CFTR: variants seen among roughly 807,000 people sequenced by gnomAD.
CFTR encodes CF transmembrane conductance regulator, also known as cystic fibrosis transmembrane conductance regulator.
A neutral mutation model predicts 171.6 loss-of-function variants in CFTR; 181 were observed. The observed-to-expected ratio is 1.05, with a 90% confidence interval of 0.93 to 1.19. The LOEUF is 1.19. CFTR is among the 50% of genes most tolerant of loss of function. CFTR has a pLI of 0.00. For missense variants in CFTR, 1,968 were observed against 1,734.7 expected (o/e 1.13, Z -2.39); for synonymous variants, 583 against 608.0 (o/e 0.96, Z 0.60).
Position 117,595,146 on chromosome 7 carries a change from A to G in CFTR, c.2619+88A>G, listed in dbSNP as rs570435250. 51 of 930,620 alleles carry G rather than the reference A, an allele frequency of 5.5e-5. No individual in the cohort carries two copies. The African/African-American group carries it at 6.4e-4, about 12-fold the overall frequency. The allele number at this position is 930,620 out of a possible 1,614,324, so 57.6% of individuals were successfully genotyped here. ...GTATACATATATATGCACACACATA[A>G]ATATGTATATATACACATGTATACA... On this transcript the variant is annotated intron_variant, in intron 15 of 26. Coordinates refer to ENST00000003084, the MANE Select transcript of CFTR (RefSeq NM_000492.4).
chr7:117,538,876 G>T (rs1228873762), intron 7 of CFTR, among the ~76,000 whole-genome samples: 1 of 152,158 alleles, frequency 6.6e-6, no homozygotes, highest in Non-Finnish European at 1.5e-5. Flanking sequence ...TTGCAATCCG[G>T]GTTGGGCACA....
intron 9 of CFTR, among the ~76,000 whole-genome samples, chr7:117,543,976 C>G (rs1450837565): frequency 6.6e-6 from 1 of 152,178 alleles, no homozygotes; most frequent in Non-Finnish European, 1.5e-5. Context: ...TCTGAAATCT[C>G]TTTCTCAGCT....
chr7:117,572,846 C>T (rs1397696294), intron 11 of CFTR, among the ~76,000 whole-genome samples: 1 of 152,088 alleles, frequency 6.6e-6, no homozygotes, highest in Non-Finnish European at 1.5e-5. Flanking sequence ...TTTCCTTTAC[C>T]CAACCAAGCT....
chr7:117,604,266 T>C (rs1270106017), intron 17 of CFTR, among the ~76,000 whole-genome samples: 1 of 152,232 alleles, frequency 6.6e-6, no homozygotes, highest in Non-Finnish European at 1.5e-5. Context: ...ATTTTAAAAC[T>C]ATTTTTATAT....
intron 7 of CFTR, among the ~76,000 whole-genome samples, chr7:117,538,661 G>C (rs1261139831): frequency 6.6e-6 from 1 of 152,088 alleles, no homozygotes; most frequent in Non-Finnish European, 1.5e-5. Flanking sequence ...ATTTAATCTT[G>C]GTAACAACTC....
intron 23 of CFTR, among the ~76,000 whole-genome samples, chr7:117,645,562 C>A (rs996710024): frequency 6.6e-6 from 1 of 152,192 alleles, no homozygotes; most frequent in Admixed American, 6.5e-5. Flanking sequence ...AGTCATCCTT[C>A]CTTTTTTTCT....
intron 21 of CFTR, among the ~76,000 whole-genome samples, chr7:117,617,563 C>T (rs1202723035): frequency 2.0e-5 from 3 of 151,852 alleles, no homozygotes; most frequent in Non-Finnish European, 4.4e-5. Context: ...CAGCCAGTGA[C>T]TTTATTATAT....
intron 24 of CFTR, among the ~76,000 whole-genome samples, chr7:117,659,171 CCTT>C (rs534858828): frequency 4.9e-4 from 74 of 152,164 alleles, no homozygotes; most frequent in Non-Finnish European, 9.6e-4. Flanking sequence ...TTCACTGCCT[CCTT>C]CTACCATCTT....
At chr7:117,645,239 A>G (rs1198190015) in intron 23 of CFTR, among the ~76,000 whole-genome samples, 2 of 152,216 alleles carry the variant, frequency 1.3e-5, no homozygotes, top group African/African-American at 4.8e-5. Context: ...ATAATTAATT[A>G]TTAAACTCCT....
intron 1 of CFTR, among the ~76,000 whole-genome samples, chr7:117,481,910 C>G (rs1252722878): frequency 6.6e-6 from 1 of 152,212 alleles, no homozygotes; most frequent in Non-Finnish European, 1.5e-5. Context: ...TTGCCTGAGG[C>G]AGGTCCCTTA....
chr7:117,628,281 G>A (rs887659153), intron 22 of CFTR, among the ~76,000 whole-genome samples: 2 of 151,974 alleles, frequency 1.3e-5, no homozygotes, highest in African/African-American at 4.8e-5. Context: ...ATGAGTAATT[G>A]ACATTATTTT....
intron 11 of CFTR, among the ~76,000 whole-genome samples, chr7:117,581,221 G>T (rs896713335): frequency 6.6e-6 from 1 of 152,044 alleles, no homozygotes; most frequent in Non-Finnish European, 1.5e-5. Context: ...AAATCACATG[G>T]CTACATACAT....
intron 11 of CFTR, among the ~76,000 whole-genome samples, chr7:117,583,809 A>G (rs1377167785): frequency 2.0e-5 from 3 of 151,964 alleles, no homozygotes; most frequent in Non-Finnish European, 4.4e-5. Context: ...AAACTGTTCC[A>G]TTTTCAGCAC....
At chr7:117,599,947 A>C (rs1792197153) in intron 15 of CFTR, among the ~76,000 whole-genome samples, 1 of 152,082 alleles carries the variant, frequency 6.6e-6, no homozygotes, top group Non-Finnish European at 1.5e-5. Context: ...TCTACTCATG[A>C]CCAGAGAACC....
At chr7:117,484,611 G>A (rs948723566) in intron 1 of CFTR, among the ~76,000 whole-genome samples, 1 of 151,906 alleles carries the variant, frequency 6.6e-6, no homozygotes, top group Non-Finnish European at 1.5e-5. Flanking sequence ...TGTTAATTTT[G>A]TATTAATTTT....
chr7:117,618,501 C>T (rs1266961875), intron 21 of CFTR, among the ~76,000 whole-genome samples: 1 of 151,960 alleles, frequency 6.6e-6, no homozygotes, highest in African/African-American at 2.4e-5. Context: ...CACACACACA[C>T]ACACAAAGAA....
At chr7:117,592,701 A>T (rs375692108) in intron 14 of CFTR, 44 bp downstream of exon 14, 1 of 1,455,992 alleles carries the variant, frequency 6.9e-7, no homozygotes. Flanking sequence ...ACAGAATGCA[A>T]TTGAGTAGAA....
In CFTR at chr7:117,556,512, C is replaced by CTTTTT. The variant is rs55700428; in HGVS notation, c.1393-2931_1393-2927dup. ...TCTCTATGTTTTATTTGTTTCATTTCTTTTTTTTTTTTTTTTTTTTTTTTT... is the reference window on the plus strand; with the variant it reads ...TCTCTATGTTTTATTTGTTTCATTTCTTTTTTTTTTTTTTTTTTTTTTTTTTTTTT... On this transcript the variant is annotated intron_variant, in intron 10 of 26. Coordinates refer to ENST00000003084, the MANE Select transcript of CFTR (RefSeq NM_000492.4). Among the ~76,000 whole-genome samples, 452 of 45,974 alleles carry CTTTTT rather than the reference C, an allele frequency of 9.8e-3. 5 individuals carry two copies. The highest frequency in any genetic ancestry group is 0.038 in the Middle Eastern group (1 of 26). 30.2% of individuals were successfully genotyped at this position (45,974 alleles called of 152,430 possible). A position where few individuals can be genotyped will look rare whatever the true frequency, so the allele number is the denominator to read the frequency against.
chr7:117,651,698 A>C (rs1051378379), intron 23 of CFTR, among the ~76,000 whole-genome samples: 2 of 152,142 alleles, frequency 1.3e-5, no homozygotes, highest in South Asian at 4.1e-4. Flanking sequence ...ATTTGACAAC[A>C]ACTTTTTCTT....
Sources: gnomAD v4.1 joint callset for allele counts (sites outside exome capture counted in the v4.1 genomes callset) on GRCh38, gnomAD v4.1.1 for gene constraint, MANE v1.5 for transcripts, NCBI Gene and HGNC (gene_info 2026-07-23, HGNC 2026-07-21) for gene names.